Variants in CNGA3 observed in about 807,000 individuals in gnomAD.
The protein encoded by CNGA3 is cyclic nucleotide-gated channel alpha-3.
Under a neutral mutation model 46.6 loss-of-function variants are expected in CNGA3, and 42 were observed. The ratio of observed to expected loss-of-function variants is 0.90; its 90% confidence interval spans 0.70 to 1.17. The LOEUF (loss-of-function observed/expected upper bound fraction) is 1.17. Ranked by LOEUF, CNGA3 falls within the 50% of genes most tolerant of loss-of-function variation. The pLI is 0.00. For missense variants in CNGA3, 893 were observed against 890.7 expected (o/e 1.00, Z -0.03); for synonymous variants, 394 against 369.4 (o/e 1.07, Z -0.76).
chr2:98,358,125 G>A (rs775926742), intron 1 of CNGA3, among the ~76,000 whole-genome samples: 12 of 152,184 alleles, frequency 7.9e-5, no homozygotes, highest in Non-Finnish European at 1.3e-4. Flanking sequence ...TTATCTCATT[G>A]GTGAGTTCTA....
chr2:98,388,165 G>A (rs1692697188), intron 5 of CNGA3, among the ~76,000 whole-genome samples: 1 of 151,984 alleles, frequency 6.6e-6, no homozygotes, highest in South Asian at 2.1e-4. Flanking sequence ...TCTCCACGAC[G>A]CCACACGCCA....
chr2:98,360,447 T>A (rs1317673814), intron 1 of CNGA3, among the ~76,000 whole-genome samples: 2 of 152,002 alleles, frequency 1.3e-5, no homozygotes, highest in African/African-American at 4.8e-5. Flanking sequence ...CAAAGAAGAG[T>A]AATTCGATAG....
chr2:98,361,128 C>T (rs61528272), intron 1 of CNGA3, among the ~76,000 whole-genome samples: 2 of 152,104 alleles, frequency 1.3e-5, no homozygotes, highest in East Asian at 3.9e-4. Context: ...CAACCCATCT[C>T]TAGGTATTAA....
At chr2:98,367,005 C>T (rs1692169468) in intron 1 of CNGA3, among the ~76,000 whole-genome samples, 1 of 151,980 alleles carries the variant, frequency 6.6e-6, no homozygotes, top group Non-Finnish European at 1.5e-5. Context: ...GGTCCCCTTG[C>T]CCTGTGCCGC....
chr2:98,351,945 C>T (rs963625061), intron 1 of CNGA3, among the ~76,000 whole-genome samples: 10 of 152,216 alleles, frequency 6.6e-5, no homozygotes, highest in Non-Finnish European at 1.3e-4. Context: ...ACCATCACCA[C>T]ATTATAATCT....
intron 1 of CNGA3, among the ~76,000 whole-genome samples, chr2:98,361,395 G>A (rs1489065315): frequency 6.6e-6 from 1 of 152,166 alleles, no homozygotes; most frequent in Non-Finnish European, 1.5e-5. Flanking sequence ...ATTCCATGGT[G>A]TATATGTACC....
intron 7 of CNGA3, among the ~76,000 whole-genome samples, chr2:98,395,142 C>A (rs1323031178): frequency 6.6e-6 from 1 of 152,070 alleles, no homozygotes; most frequent in South Asian, 2.1e-4. Context: ...AAAAATAAAC[C>A]TCTAAATCAA....
intron 1 of CNGA3, among the ~76,000 whole-genome samples, 186 bp downstream of exon 1, chr2:98,346,720 A>T (rs1282470852): frequency 6.6e-6 from 1 of 151,566 alleles, no homozygotes. Context: ...CGGGCTGGAG[A>T]GAAAGTGAAA....
chr2:98,394,024 T>A (rs150453068), intron 7 of CNGA3, among the ~76,000 whole-genome samples: 175 of 151,194 alleles, frequency 1.2e-3, no homozygotes, highest in African/African-American at 3.6e-3. Context: ...CTCGGTGGCC[T>A]GGACCCGCAG....
At chr2:98,386,760 C>A (rs1381188796) in intron 5 of CNGA3, among the ~76,000 whole-genome samples, 2 of 152,120 alleles carry the variant, frequency 1.3e-5, no homozygotes, top group Admixed American at 1.3e-4. Context: ...GGACTCGACC[C>A]ATCACTGCTG....
At chr2:98,353,167 A>G (rs2106071593) in intron 1 of CNGA3, among the ~76,000 whole-genome samples, 1 of 152,326 alleles carries the variant, frequency 6.6e-6, no homozygotes, top group South Asian at 2.1e-4. Context: ...CAATATATTT[A>G]TTGAAAGAAA....
chr2:98,374,427 C>T (rs1692359438), intron 2 of CNGA3, among the ~76,000 whole-genome samples: 1 of 152,184 alleles, frequency 6.6e-6, no homozygotes, highest in Non-Finnish European at 1.5e-5. Context: ...GAGGGAAGCT[C>T]CAGGGTTGTC....
chr2:98,357,664 G>A (rs973856508), intron 1 of CNGA3, among the ~76,000 whole-genome samples: 1 of 152,094 alleles, frequency 6.6e-6, no homozygotes, highest in Non-Finnish European at 1.5e-5. Flanking sequence ...TGGTGGCAGG[G>A]GGACATGCTA....
At position 98,367,167 on chromosome 2, in the gene CNGA3, G is replaced by GTTTATTTTTTT. The variant is rs751611132; in HGVS notation, c.-37-2769_-37-2768insATTTTTTTTTT. Among the ~76,000 whole-genome samples, 2 of 101,588 alleles carry GTTTATTTTTTT rather than the reference G, an allele frequency of 2.0e-5. 1 individual carries two copies. Among genetic ancestry groups the GTTTATTTTTTT allele is most frequent in the African/African-American group, 6.7e-5 (2 of 29,874 alleles). 66.6% of individuals were successfully genotyped at this position (101,588 alleles called of 152,430 possible). On this transcript the variant is annotated intron_variant, in intron 1 of 7. Transcript: ENST00000272602. ...TTGGTGAGAACCTCTGACATCAGCT[G>GTTTATTTTTTT]TTTTTTTTCTTTTTTTTCTTTTTTT...
chr2:98,380,224 C>T lies in CNGA3; in HGVS notation c.265C>T (p.His89Tyr), dbSNP rs769776135. The change falls in exon 4 of 8, where the codon CAC becomes TAC. Residue 89 changes from histidine (H) to tyrosine (Y), a missense_variant. His to Tyr is a moderately conservative substitution (Grantham distance 83). This residue lies in a region of CNGA3 where 333 missense variants were observed against 290.8 expected (regional missense o/e 1.15). Transcript: ENST00000272602. ...GCGCAGGTGGGCTGCCAGGCATGTG[C>T]ACCACCAGGACCAGGGACCGGACTC... ...LLRRWAARHV[H>Y]HQDQGPDSFP... 3 of 1,614,230 alleles carry T rather than the reference C, an allele frequency of 1.9e-6. No individual in the cohort carries two copies. The highest frequency in any genetic ancestry group is 2.2e-5 in the East Asian group (1 of 44,878).
chr2:98,350,306 C>T (rs756479771), intron 1 of CNGA3, among the ~76,000 whole-genome samples: 36 of 152,238 alleles, frequency 2.4e-4, no homozygotes, highest in South Asian at 6.2e-4. Context: ...CAGCTCAGTG[C>T]CTGACATATC....
At position 98,396,799 on chromosome 2, in the gene CNGA3, T is replaced by C. The variant is rs777441841; in HGVS notation, c.1629T>C (p.Asp543=). Residue 543 remains aspartate, a synonymous_variant, in exon 8 of 8, where the codon GAT becomes GAC. Coordinates refer to ENST00000272602, the MANE Select transcript of CNGA3 (RefSeq NM_001298.3). ...TCACCCAGTTCGTGGTCCTCAGCGA[T>C]GGCAGCTACTTCGGGGAGATCAGCA... The part of the protein sequence containing the change: ...DGVTQFVVLS[D]GSYFGEISIL... The C allele has an allele frequency of 3.7e-6, 6 of 1,614,184 alleles. No homozygotes were observed. In the South Asian group the frequency reaches 5.5e-5, roughly 15 times the overall value.
At chr2:98,347,710 C>T (rs1691669471) in intron 1 of CNGA3, among the ~76,000 whole-genome samples, 1 of 152,200 alleles carries the variant, frequency 6.6e-6, no homozygotes, top group Non-Finnish European at 1.5e-5. Context: ...AAGCCCGGCA[C>T]CCCGACGGCA....
At chr2:98,377,157 A>C in intron 2 of CNGA3, 1 of 170,332 alleles carries the variant, frequency 5.9e-6, no homozygotes. Flanking sequence ...CCTCCGTGTT[A>C]ACCAGCGGGT....
Sources: gnomAD v4.1 joint callset for allele counts (sites outside exome capture counted in the v4.1 genomes callset) on GRCh38, gnomAD v4.1.1 for gene constraint, gnomAD v4.1.1 regional missense constraint, MANE v1.5 for transcripts, NCBI Gene and HGNC (gene_info 2026-07-23, HGNC 2026-07-21) for gene names.